Variants in SLC25A30 observed in about 807,000 individuals in gnomAD.
SLC25A30 encodes the protein kidney mitochondrial carrier protein 1.
In SLC25A30, 29 loss-of-function variants were observed where a neutral mutation model predicts 42.7. That is an observed-to-expected ratio of 0.68 (90% CI 0.51 to 0.93). The LOEUF is 0.93. SLC25A30 is among the 40% of genes least tolerant of loss of function. SLC25A30 has a pLI of 0.00. For synonymous variants in SLC25A30, 124 were observed against 131.0 expected, an observed-to-expected ratio of 0.95 and a Z score of 0.37; for missense variants, 300 against 359.7, an observed-to-expected ratio of 0.83 and a Z score of 1.34.
chr13:45,411,219 C>T (rs1223942701), intron 2 of SLC25A30, 143 bp downstream of exon 2: 6 of 696,010 alleles, frequency 8.6e-6, no homozygotes, highest in Admixed American at 2.1e-5. Context: ...AGATTATAGG[C>T]GTGAGCCACC....
chr13:45,396,985 G>A (rs75683787), intron 9 of SLC25A30: 13,734 of 353,014 alleles, frequency 0.039, 375 homozygotes, highest in Non-Finnish European at 0.053. Context: ...CTCTGAAATC[G>A]TAAATACCCT....
intron 3 of SLC25A30, among the ~76,000 whole-genome samples, chr13:45,407,721 C>A (rs536931704): frequency 1.3e-5 from 2 of 152,256 alleles, no homozygotes; most frequent in South Asian, 2.1e-4. Flanking sequence ...CTTCCTTCTC[C>A]AAACAGTCAT....
the SLC25A30 span, among the ~76,000 whole-genome samples, chr13:45,426,155 C>T: frequency 7.9e-5 from 12 of 151,608 alleles, no homozygotes; most frequent in South Asian, 2.1e-4. Context: ...GGCGCCATCT[C>T]GGCTCACTGC....
chr13:45,414,319 T>G (rs1883291449), intron 1 of SLC25A30, among the ~76,000 whole-genome samples: 1 of 151,986 alleles, frequency 6.6e-6, no homozygotes, highest in African/African-American at 2.4e-5. Flanking sequence ...TGGGCAAACA[T>G]CCAAATAAGG....
At chr13:45,397,494 C>T (rs890792101) in intron 8 of SLC25A30, 156 bp from the exon 9 acceptor site, 2 of 557,896 alleles carry the variant, frequency 3.6e-6, no homozygotes, top group East Asian at 6.4e-5. Flanking sequence ...AGATCAAGAC[C>T]ATCCTGGCTA....
At chr13:45,396,553 C>G (rs1347601115) in intron 9 of SLC25A30, 1 of 167,226 alleles carries the variant, frequency 6.0e-6, no homozygotes, top group Non-Finnish European at 1.3e-5. Context: ...GGGCAGGTCA[C>G]TTGAGGTCAG....
intron 2 of SLC25A30, among the ~76,000 whole-genome samples, chr13:45,409,952 G>C (rs1250133690): frequency 6.6e-6 from 1 of 152,206 alleles, no homozygotes; most frequent in Non-Finnish European, 1.5e-5. Flanking sequence ...CCAGCACAGA[G>C]AGCCTAAGCT....
At chr13:45,419,252 A>G (rs1244427719), upstream of SLC25A30, among the ~76,000 whole-genome samples, 1 of 149,882 alleles carries the variant, frequency 6.7e-6, no homozygotes, top group African/African-American at 2.4e-5. Context: ...ATATTTATTT[A>G]TATATTAATA....
Position 45,396,215 on chromosome 13 carries a change from C to G in SLC25A30, c.835-200G>C, listed in dbSNP as rs1881304395. The G allele has an allele frequency of 3.7e-5, 53 of 1,436,942 alleles. No individual in the cohort carries two copies. The South Asian group carries it at 7.4e-4, about 20-fold the overall frequency. The allele number at this position is 1,436,942 out of a possible 1,614,324, so 89.0% of individuals were successfully genotyped here. A position where few individuals can be genotyped will look rare whatever the true frequency, so the allele number is the denominator to read the frequency against. ...TCAGCTTGGAGCAGAAAGATCACAG[C>G]TGAGATATGTAAATCCCCTGGTATC... On this transcript the variant is annotated intron_variant, in intron 9 of 9. Coordinates refer to ENST00000519676, the MANE Select transcript of SLC25A30 (RefSeq NM_001010875.4).
the SLC25A30 span, among the ~76,000 whole-genome samples, chr13:45,425,465 A>AAT: frequency 1.0e-5 from 1 of 100,158 alleles, no homozygotes; most frequent in Admixed American, 1.4e-4. Context: ...TGTATATATA[A>AAT]ATATATATAA....
chr13:45,403,325 C>A (rs1882175799), intron 5 of SLC25A30, among the ~76,000 whole-genome samples: 1 of 152,084 alleles, frequency 6.6e-6, no homozygotes, highest in Non-Finnish European at 1.5e-5. Flanking sequence ...AGATTGAAGG[C>A]TCTCTGAGGG....
intron 8 of SLC25A30, chr13:45,397,756 G>A (rs974926731): frequency 7.5e-6 from 2 of 265,814 alleles, no homozygotes; most frequent in African/African-American, 4.6e-5. Context: ...ATAAAATCCT[G>A]TTTGGAAGGA....
intron 1 of SLC25A30, 126 bp from the exon 2 acceptor site, chr13:45,411,606 G>A: frequency 3.3e-6 from 2 of 610,816 alleles, no homozygotes; most frequent in Non-Finnish European, 5.9e-6. Flanking sequence ...ATTCCCAAGG[G>A]GAGCCTCCCC....
Position 45,393,985 on chromosome 13 carries a change from T to G in SLC25A30, c.*1989A>C. The G allele has an allele frequency of 1.0e-6, 1 of 984,736 alleles. No homozygotes were observed. Among genetic ancestry groups the G allele is most frequent in the Non-Finnish European group, 1.2e-6 (1 of 829,340 alleles). 61.0% of individuals were successfully genotyped at this position (984,736 alleles called of 1,614,324 possible). On this transcript the variant is annotated 3_prime_UTR_variant, in exon 10 of 10. Coordinates refer to ENST00000519676, the MANE Select transcript of SLC25A30 (RefSeq NM_001010875.4). ...ATGCATATTTGAAAAAGTAAAATTT[T>G]TCTACATTAAAAAAAGAGCATTTCA...
chr13:45,396,125 C>G lies in SLC25A30; in HGVS notation c.835-110G>C, dbSNP rs1002596160. 3.1e-6 allele frequency: 5 copies of G among 1,606,372 alleles called. No individual in the cohort carries two copies. The African/African-American group carries it at 4.0e-5, about 13-fold the overall frequency. The stretch of plus-strand genomic sequence containing the variant: ...AATAACAAATAGGTACAGGCAGACC[C>G]ACGCTATGGACACGATTAAATAAAA... On this transcript the variant is annotated intron_variant, in intron 9 of 9. Coordinates refer to ENST00000519676, the MANE Select transcript of SLC25A30 (RefSeq NM_001010875.4).
chr13:45,425,147 A>T, the SLC25A30 span, among the ~76,000 whole-genome samples: 3 of 77,582 alleles, frequency 3.9e-5, no homozygotes, highest in Non-Finnish European at 6.9e-5. Flanking sequence ...AATATATATA[A>T]ATATATTGAT....
At chr13:45,428,038 G>A in the SLC25A30 span, among the ~76,000 whole-genome samples, 245 of 148,936 alleles carry the variant, frequency 1.6e-3, no homozygotes, top group Non-Finnish European at 2.9e-3. Context: ...CCACCATGCC[G>A]GCCCCCTACA....
chr13:45,398,119 C>T, intron 8 of SLC25A30: 1 of 897,838 alleles, frequency 1.1e-6, no homozygotes, highest in Non-Finnish European at 1.3e-6. Context: ...ACAAAAGTGG[C>T]CCCTGTAGCC....
In SLC25A30 at chr13:45,395,734, T is replaced by G. The variant is rs1319524447; in HGVS notation, c.*240A>C. ...CATGCATTTCACATATTATCTTTGA[T>G]GTTGAAGGGCACTTCAGTGGTAAAG... On this transcript the variant is annotated 3_prime_UTR_variant, in exon 10 of 10. Transcript: ENST00000519676. 2 of 1,399,334 alleles carry G rather than the reference T, an allele frequency of 1.4e-6. No individual in the cohort carries two copies. Among genetic ancestry groups the G allele is most frequent in the African/African-American group, 1.4e-5 (1 of 69,080 alleles). 86.7% of individuals were successfully genotyped at this position (1,399,334 alleles called of 1,614,324 possible).
Sources: allele counts gnomAD v4.1 joint callset (sites outside exome capture counted in the v4.1 genomes callset), GRCh38; gene constraint gnomAD v4.1.1; transcripts MANE v1.5; gene names NCBI Gene and HGNC (gene_info 2026-07-23, HGNC 2026-07-21).